The following TRAPPC9 variants were observed in gnomAD, a reference collection of about 807,000 sequenced individuals.
The protein encoded by TRAPPC9 is trafficking protein particle complex subunit 9.
Under a neutral mutation model 124.0 loss-of-function variants are expected in TRAPPC9, and 83 were observed. That is an observed-to-expected ratio of 0.67 (90% CI 0.56 to 0.80). TRAPPC9 has a LOEUF of 0.80. Ranked by LOEUF, TRAPPC9 falls within the 30% of genes least tolerant of loss-of-function variation. The probability of loss-of-function intolerance (pLI) is 0.00; values close to 1 mark genes in which losing one functional copy is unlikely to be tolerated. For missense variants in TRAPPC9, 1,302 were observed against 1,508.3 expected, an observed-to-expected ratio of 0.86 and a Z score of 2.27; for synonymous variants, 638 against 617.5, an observed-to-expected ratio of 1.03 and a Z score of -0.49.
chr8:140,359,460 C>T (rs1180437688), intron 9 of TRAPPC9, among the ~76,000 whole-genome samples: 1 of 152,094 alleles, frequency 6.6e-6, no homozygotes, highest in African/African-American at 2.4e-5. Context: ...GAAAGGAGCC[C>T]GGGAGAAAGG....
At chr8:139,791,812 G>A (rs570911222) in intron 21 of TRAPPC9, among the ~76,000 whole-genome samples, 1 of 152,332 alleles carries the variant, frequency 6.6e-6, no homozygotes, top group South Asian at 2.1e-4. Flanking sequence ...AACACAAAGG[G>A]ACAGGGACAG....
intron 17 of TRAPPC9, among the ~76,000 whole-genome samples, chr8:140,210,276 C>A (rs1472284796): frequency 1.3e-5 from 2 of 152,236 alleles, no homozygotes; most frequent in Non-Finnish European, 2.9e-5. Context: ...ACGCCGCTGT[C>A]TTCATCTAGA....
intron 8 of TRAPPC9, among the ~76,000 whole-genome samples, chr8:140,361,494 A>G (rs909055): frequency 0.72 from 109,064 of 152,146 alleles, 39,963 homozygotes; most frequent in African/African-American, 0.87. Flanking sequence ...TTAAAGTTAT[A>G]AGGCTTCAGT....
intron 19 of TRAPPC9, among the ~76,000 whole-genome samples, chr8:139,924,697 T>TGTG (rs1832701655): frequency 6.6e-6 from 1 of 152,222 alleles, no homozygotes; most frequent in African/African-American, 2.4e-5. Flanking sequence ...GCCCTCGCTA[T>TGTG]ACCCATCAGT....
intron 17 of TRAPPC9, among the ~76,000 whole-genome samples, chr8:140,220,298 C>T (rs747948866): frequency 4.6e-5 from 7 of 152,182 alleles, no homozygotes; most frequent in Non-Finnish European, 8.8e-5. Context: ...CACCAGACAG[C>T]ACCCTCCCGT....
chr8:140,342,705 A>T lies in TRAPPC9; in HGVS notation c.1495+17345T>A, dbSNP rs114869761. 4.3e-3 allele frequency among the ~76,000 whole-genome samples: 652 copies of T among 152,320 alleles called. 4 individuals carry two copies. The highest frequency in any genetic ancestry group is 0.015 in the African/African-American group (623 of 41,562). The stretch of plus-strand genomic sequence containing the variant: ...CAAATCGAAGGTCCAAAGAAACCAC[A>T]TAAGCCATCTGGAGAAAAAAATGCA... On this transcript the variant is annotated intron_variant, in intron 9 of 22. Coordinates refer to ENST00000438773, the MANE Select transcript of TRAPPC9 (RefSeq NM_001160372.4).
At chr8:140,373,957 C>T (rs556242246) in intron 7 of TRAPPC9, among the ~76,000 whole-genome samples, 3 of 152,314 alleles carry the variant, frequency 2.0e-5, no homozygotes, top group East Asian at 3.9e-4. Context: ...TATTTCCTCC[C>T]GGTCTGTTGC....
chr8:140,093,573 C>A (rs190201384), intron 17 of TRAPPC9, among the ~76,000 whole-genome samples: 68 of 151,544 alleles, frequency 4.5e-4, no homozygotes, highest in Admixed American at 1.3e-3. Flanking sequence ...GAGGCTGAGG[C>A]AGTAGAATTG....
At chr8:139,916,363 T>C (rs538490372) in intron 19 of TRAPPC9, 6 of 152,346 alleles carry the variant, frequency 3.9e-5, no homozygotes, top group African/African-American at 1.4e-4. Flanking sequence ...CTATAAATAG[T>C]GGCTGCTGTC....
intron 19 of TRAPPC9, among the ~76,000 whole-genome samples, chr8:139,982,217 C>T (rs574153250): frequency 2.6e-5 from 4 of 152,204 alleles, no homozygotes; most frequent in South Asian, 2.1e-4. Context: ...CCACTGTTTC[C>T]GGTTGTGCAT....
chr8:139,831,442 C>T (rs928883677), intron 21 of TRAPPC9, among the ~76,000 whole-genome samples: 2 of 152,206 alleles, frequency 1.3e-5, no homozygotes, highest in Non-Finnish European at 2.9e-5. Flanking sequence ...CACTCACATG[C>T]ATGCAAGCAC....
intron 8 of TRAPPC9, among the ~76,000 whole-genome samples, chr8:140,364,292 C>CAAAAAA (rs34616334): frequency 3.8e-5 from 2 of 53,044 alleles, no homozygotes. Context: ...TCAAAGGATG[C>CAAAAAA]AAAAAAAAAA....
At chr8:140,300,686 C>T (rs1056204506) in intron 10 of TRAPPC9, 72 bp from the exon 11 acceptor site, 24 of 1,578,938 alleles carry the variant, frequency 1.5e-5, no homozygotes, top group Non-Finnish European at 2.1e-5. Context: ...CATAACCAAA[C>T]ATGATGTATC....
chr8:140,248,558 G>T (rs374200148), intron 16 of TRAPPC9, among the ~76,000 whole-genome samples: 16 of 152,276 alleles, frequency 1.1e-4, no homozygotes, highest in African/African-American at 3.6e-4. Context: ...TCTGGTAACT[G>T]GTTTTGCTAT....
At chr8:139,923,130 A>G (rs932785796) in intron 19 of TRAPPC9, among the ~76,000 whole-genome samples, 1 of 150,486 alleles carries the variant, frequency 6.6e-6, no homozygotes, top group African/African-American at 2.4e-5. Context: ...AGGTGAATGA[A>G]AATCTACTGA....
intron 21 of TRAPPC9, among the ~76,000 whole-genome samples, chr8:139,885,421 T>C (rs1163387599): frequency 3.3e-5 from 5 of 152,172 alleles, no homozygotes; most frequent in East Asian, 1.9e-4. Context: ...TGTCCATGCA[T>C]AGTCGTGGTG....
chr8:140,202,032 A>C (rs1387146023), intron 17 of TRAPPC9, among the ~76,000 whole-genome samples: 2 of 152,184 alleles, frequency 1.3e-5, no homozygotes, highest in Non-Finnish European at 2.9e-5. Context: ...ATGAGTTTGC[A>C]CCACAACAAT....
intron 17 of TRAPPC9, among the ~76,000 whole-genome samples, chr8:140,072,781 A>ATG (rs1843269396): frequency 6.6e-6 from 1 of 152,164 alleles, no homozygotes; most frequent in African/African-American, 2.4e-5. Flanking sequence ...GTATATATAT[A>ATG]TCTTCACTAG....
chr8:140,289,258 G>A (rs1455561086), intron 12 of TRAPPC9, among the ~76,000 whole-genome samples: 1 of 151,244 alleles, frequency 6.6e-6, no homozygotes, highest in East Asian at 1.9e-4. Flanking sequence ...TCCCAACTCT[G>A]TCTACAGGAA....
Sources: gnomAD v4.1 joint callset for allele counts (sites outside exome capture counted in the v4.1 genomes callset) on GRCh38, gnomAD v4.1.1 for gene constraint, MANE v1.5 for transcripts, NCBI Gene and HGNC (gene_info 2026-07-23, HGNC 2026-07-21) for gene names.